The following ST8SIA6 variants were observed in gnomAD, a reference collection of about 807,000 sequenced individuals.
The protein encoded by ST8SIA6 is alpha-2,8-sialyltransferase 8F.
In ST8SIA6, 39 loss-of-function variants were observed where a neutral mutation model predicts 33.6. The observed-to-expected ratio is 1.16, with a 90% CI of 0.90 to 1.52. ST8SIA6 has a LOEUF of 1.52. ST8SIA6 is among the 40% of genes most tolerant of loss of function. The pLI is 0.00. For missense variants in ST8SIA6, 441 were observed against 443.8 expected, an observed-to-expected ratio of 0.99 and a Z score of 0.06; for synonymous variants, 172 against 167.2, an observed-to-expected ratio of 1.03 and a Z score of -0.22.
chr10:17,398,251 C>T (rs1142350), intron 2 of ST8SIA6, among the ~76,000 whole-genome samples: 5 of 151,864 alleles, frequency 3.3e-5, no homozygotes, highest in Admixed American at 2.6e-4. Flanking sequence ...CACCTGAACC[C>T]GGGAGGCAGA....
intron 4 of ST8SIA6, among the ~76,000 whole-genome samples, chr10:17,334,706 A>G (rs1487036074): frequency 6.6e-6 from 1 of 152,132 alleles, no homozygotes; most frequent in African/African-American, 2.4e-5. Flanking sequence ...TAAAGTTGCC[A>G]TTCCTTGTAG....
chr10:17,376,551 C>G (rs977720687), intron 3 of ST8SIA6, among the ~76,000 whole-genome samples: 2 of 152,132 alleles, frequency 1.3e-5, no homozygotes, highest in African/African-American at 4.8e-5. Context: ...AAGTTGATTT[C>G]CTGGGTCAGC....
chr10:17,378,922 C>T (rs536044828), intron 3 of ST8SIA6, among the ~76,000 whole-genome samples: 224 of 152,172 alleles, frequency 1.5e-3, no homozygotes, highest in African/African-American at 4.8e-3. Context: ...GTCAGGAGAT[C>T]AAGACCATCC....
intron 2 of ST8SIA6, among the ~76,000 whole-genome samples, chr10:17,403,841 T>A (rs1028392265): frequency 4.6e-5 from 7 of 152,084 alleles, no homozygotes; most frequent in Non-Finnish European, 8.8e-5. Context: ...GGCAGGTGGA[T>A]CACCTGAGGT....
At chr10:17,451,420 G>T (rs1852904548) in intron 2 of ST8SIA6, among the ~76,000 whole-genome samples, 1 of 152,292 alleles carries the variant, frequency 6.6e-6, no homozygotes, top group East Asian at 1.9e-4. Context: ...CAGAAAGGTG[G>T]GAGAGTGAGA....
At chr10:17,363,669 A>C (rs1849468243) in intron 3 of ST8SIA6, among the ~76,000 whole-genome samples, 1 of 152,194 alleles carries the variant, frequency 6.6e-6, no homozygotes, top group African/African-American at 2.4e-5. Context: ...AGCTTTCAGG[A>C]ATGTTGTGAA....
At chr10:17,377,861 A>G (rs1372691227) in intron 3 of ST8SIA6, among the ~76,000 whole-genome samples, 4 of 152,170 alleles carry the variant, frequency 2.6e-5, no homozygotes, top group Non-Finnish European at 5.9e-5. Flanking sequence ...CATACACTGA[A>G]TGGCTTTCCC....
chr10:17,384,529 C>T (rs1373529261), intron 3 of ST8SIA6, among the ~76,000 whole-genome samples: 4 of 152,280 alleles, frequency 2.6e-5, no homozygotes, highest in South Asian at 4.1e-4. Context: ...CGATAGTACA[C>T]GTGTTAAATT....
At chr10:17,434,334 A>G (rs1852187145) in intron 2 of ST8SIA6, among the ~76,000 whole-genome samples, 1 of 152,164 alleles carries the variant, frequency 6.6e-6, no homozygotes, top group Admixed American at 6.5e-5. Context: ...TCCTAAGGAA[A>G]GAAGGATGTT....
chr10:17,379,150 AAC>A (rs1850033852), intron 3 of ST8SIA6, among the ~76,000 whole-genome samples: 1 of 151,756 alleles, frequency 6.6e-6, no homozygotes, highest in African/African-American at 2.4e-5. Flanking sequence ...AAACAAAAAA[AAC>A]CGAAGGGACT....
chr10:17,403,703 G>A (rs1851135083), intron 2 of ST8SIA6: 1 of 152,008 alleles, frequency 6.6e-6, no homozygotes, highest in African/African-American at 2.4e-5. Context: ...TCTTGGATAC[G>A]CTAAGTATTT....
At chr10:17,438,011 G>A (rs932397279) in intron 2 of ST8SIA6, among the ~76,000 whole-genome samples, 1 of 151,702 alleles carries the variant, frequency 6.6e-6, no homozygotes, top group Non-Finnish European at 1.5e-5. Flanking sequence ...ATACAGGTGT[G>A]AGCCACCATG....
rs995153191 is a variant in ST8SIA6, at chr10:17,359,447, C to T, written c.377+67G>A. 4 of 1,271,034 alleles carry T rather than the reference C, an allele frequency of 3.1e-6. No individual in the cohort carries two copies. In the African/African-American group the frequency reaches 4.6e-5, roughly 15 times the overall value. The allele number at this position is 1,271,034 out of a possible 1,614,324, so 78.7% of individuals were successfully genotyped here. ...ACTTCTCTTTTTAATAACATATTGC[C>T]TATTTTTCTACAAAGCAAATGAACA... On this transcript the variant is annotated intron_variant, in intron 4 of 7. Coordinates refer to ENST00000377602, the MANE Select transcript of ST8SIA6 (RefSeq NM_001004470.3).
Position 17,315,922 on chromosome 10 carries a change from T to C in ST8SIA6, c.*4956A>G, listed in dbSNP as rs1259492708. Reference sequence around the variant, plus strand: ...GATAATACTGATTTTTCTTTTCATTTTATAATTGCATAATGGAAATAATAT... The same window carrying C: ...GATAATACTGATTTTTCTTTTCATTCTATAATTGCATAATGGAAATAATAT... On this transcript the variant is annotated 3_prime_UTR_variant, in exon 8 of 8. Transcript: ENST00000377602. 1.3e-5 allele frequency among the ~76,000 whole-genome samples: 2 copies of C among 152,048 alleles called. No homozygotes were observed. Among genetic ancestry groups the C allele is most frequent in the Non-Finnish European group, 2.9e-5 (2 of 67,904 alleles).
At chr10:17,400,440 G>C (rs1850993447) in intron 2 of ST8SIA6, among the ~76,000 whole-genome samples, 1 of 152,168 alleles carries the variant, frequency 6.6e-6, no homozygotes. Flanking sequence ...GCTGAGGCAG[G>C]AGAATTGCTT....
At chr10:17,358,394 T>G (rs1849264793) in intron 4 of ST8SIA6, among the ~76,000 whole-genome samples, 1 of 152,226 alleles carries the variant, frequency 6.6e-6, no homozygotes, top group South Asian at 2.1e-4. Context: ...CAGATATTTC[T>G]TAGAGTATTT....
At chr10:17,442,852 T>G (rs1852551510) in intron 2 of ST8SIA6, among the ~76,000 whole-genome samples, 4 of 152,202 alleles carry the variant, frequency 2.6e-5, no homozygotes, top group Admixed American at 2.6e-4. Flanking sequence ...TCTCACTGTC[T>G]ATCCATCCTG....
intron 2 of ST8SIA6, among the ~76,000 whole-genome samples, chr10:17,422,929 G>C (rs926244947): frequency 8.5e-5 from 13 of 152,218 alleles, no homozygotes; most frequent in African/African-American, 2.9e-4. Context: ...ATACGTTCTA[G>C]ATAGGATGAT....
intron 2 of ST8SIA6, among the ~76,000 whole-genome samples, chr10:17,404,706 C>T (rs920935547): frequency 8.5e-5 from 13 of 152,088 alleles, no homozygotes; most frequent in African/African-American, 1.2e-4. Context: ...CCACTGACCC[C>T]GCTGCGCTGC....
Sources: allele counts gnomAD v4.1 joint callset (sites outside exome capture counted in the v4.1 genomes callset), GRCh38; gene constraint gnomAD v4.1.1; transcripts MANE v1.5; gene names NCBI Gene and HGNC (gene_info 2026-07-23, HGNC 2026-07-21).